Variants in CCDC88B observed in about 807,000 individuals in gnomAD.
CCDC88B encodes the protein coiled-coil domain-containing protein 88B.
In CCDC88B, 138 loss-of-function variants were observed where a neutral mutation model predicts 183.7. That is an observed-to-expected ratio of 0.75 (90% CI 0.65 to 0.87). CCDC88B has a LOEUF of 0.87. Among genes scored for constraint, CCDC88B ranks in the 40% least tolerant of loss-of-function variants. CCDC88B has a pLI of 0.00. For synonymous variants in CCDC88B, 835 were observed against 867.5 expected (o/e 0.96, Z 0.66); for missense variants, 1,822 against 1,965.6 (o/e 0.93, Z 1.38).
Position 64,340,603 on chromosome 11 carries a change from A to T in CCDC88B, c.61-4A>T. The stretch of plus-strand genomic sequence containing the variant: ...GTCGGCTGACCCCTCTGGGCTCCTC[A>T]CAGGCGCTGGGACTGGCCGGGCTGG... On this transcript the variant is annotated splice_region_variant and splice_polypyrimidine_tract_variant and intron_variant, in intron 1 of 26. Coordinates refer to ENST00000356786, the MANE Select transcript of CCDC88B (RefSeq NM_032251.6). The T allele has an allele frequency of 2.5e-6, 4 of 1,606,998 alleles. No individual in the cohort carries two copies. The highest frequency in any genetic ancestry group is 3.4e-6 in the Non-Finnish European group (4 of 1,178,636).
At position 64,343,195 on chromosome 11, in the gene CCDC88B, C is replaced by T. The variant is rs2035956376; in HGVS notation, c.1079C>T (p.Ser360Leu). The stretch of plus-strand genomic sequence containing the variant: ...TCCCACCAGGAGGAGCGGGTGCTCT[C>T]GGGGGTGCTGGAGGCGTCCAAGGCG... ...KSQLEEERVL[S>L]GVLEASKALL... The change falls in exon 11 of 27, where the codon TCG (serine) becomes TTG (leucine). Residue 360 changes from serine (S) to leucine (L), a missense_variant. Ser to Leu is a moderately radical substitution (Grantham distance 145). Coordinates refer to ENST00000356786, the MANE Select transcript of CCDC88B (RefSeq NM_032251.6). 7.2e-6 allele frequency: 11 copies of T among 1,537,700 alleles called. 1 individual carries two copies. The highest frequency in any genetic ancestry group is 9.6e-6 in the Non-Finnish European group (11 of 1,141,452).
At chr11:64,347,257 C>A (rs1276668302) in intron 14 of CCDC88B, among the ~76,000 whole-genome samples, 1 of 152,170 alleles carries the variant, frequency 6.6e-6, no homozygotes, top group East Asian at 1.9e-4. Context: ...AGGGCTTTTG[C>A]CATGGGGGAT....
intron 15 of CCDC88B, 28 bp from the exon 16 acceptor site, chr11:64,349,523 G>C (rs1428045291): frequency 6.3e-7 from 1 of 1,583,098 alleles, no homozygotes; most frequent in Admixed American, 1.8e-5. Flanking sequence ...GGTGGGGTGG[G>C]GCTGGGTGCT....
chr11:64,343,122 AG>A (rs1320677770), intron 10 of CCDC88B, 56 bp from the exon 11 acceptor site: 12 of 1,465,642 alleles, frequency 8.2e-6, no homozygotes, highest in Non-Finnish European at 9.0e-6. Context: ...TGGGACCCTC[AG>A]GCGCTGGAGT....
At position 64,341,670 on chromosome 11, in the gene CCDC88B, G is replaced by A; in HGVS notation, c.603G>A (p.Glu201=). The A allele has an allele frequency of 6.2e-7, 1 of 1,608,308 alleles. No individual in the cohort carries two copies. The highest frequency in any genetic ancestry group is 8.5e-7 in the Non-Finnish European group (1 of 1,177,588). The change falls in exon 7 of 27, where the codon GAG becomes GAA. Residue 201 remains glutamate (E), a synonymous_variant. Transcript: ENST00000356786. The part of the protein sequence containing the change: ...GPDPGELAPA[E]LEMLSRSLMG... ...ATCCTGGGGAGCTGGCACCTGCCGA[G>A]CTGGAGATGCTGTCCCGGAGCCTGA...
Position 64,342,517 on chromosome 11 carries a change from C to A in CCDC88B, c.904-5C>A. ...CTGTTCCCAGCTCCACACCGTCTGG[C>A]CCAGGCCCAGGCGCTGTCGGGACAG... is the stretch of plus-strand genomic sequence containing the variant. On this transcript the variant is annotated splice_polypyrimidine_tract_variant and splice_region_variant and intron_variant, in intron 9 of 26. Transcript: ENST00000356786. 1 of 1,527,452 alleles carries A rather than the reference C, an allele frequency of 6.5e-7. No homozygotes were observed. The allele number at this position is 1,527,452 out of a possible 1,614,324, so 94.6% of individuals were successfully genotyped here.
Position 64,351,317 on chromosome 11 carries a change from C to T in CCDC88B, c.2958+62C>T, listed in dbSNP as rs548984869. On this transcript the variant is annotated intron_variant, in intron 17 of 26. Coordinates refer to ENST00000356786, the MANE Select transcript of CCDC88B (RefSeq NM_032251.6). ...CCCGTGCAGTGTGAGTGTGGGTCCA[C>T]GGTGGACCCTGGGCTGGGGGGTATC... The T allele has an allele frequency of 4.1e-4, 611 of 1,496,490 alleles. 6 individuals carry two copies. In the South Asian group the frequency reaches 4.9e-3, roughly 12 times the overall value. 92.7% of individuals were successfully genotyped at this position (1,496,490 alleles called of 1,614,324 possible). A position where few individuals can be genotyped will look rare whatever the true frequency, so the allele number is the denominator to read the frequency against.
At position 64,344,425 on chromosome 11, in the gene CCDC88B, G is replaced by A. The variant is rs778121076; in HGVS notation, c.1884G>A (p.Glu628=). 2 of 1,590,274 alleles carry A rather than the reference G, an allele frequency of 1.3e-6. No individual in the cohort carries two copies. Among genetic ancestry groups the A allele is most frequent in the East Asian group, 4.5e-5 (2 of 44,602 alleles). ...QLLGGETEGR[E]APQGELVPEA... ...TGGGAGGAGAGACAGAGGGAAGAGAGGCTCCCCAAGGCGAGTTGGTGCCTG... is the reference window on the plus strand; with the variant it reads ...TGGGAGGAGAGACAGAGGGAAGAGAAGCTCCCCAAGGCGAGTTGGTGCCTG... The change falls in exon 14 of 27, where the codon GAG becomes GAA. Residue 628 remains glutamate (E), a synonymous_variant. Transcript: ENST00000356786. This position sits in a 1 kb window ranked among gnomAD's most constrained non-coding sequence, Gnocchi z 4.5.
Position 64,349,335 on chromosome 11 carries a change from T to C in CCDC88B, c.2621T>C (p.Leu874Pro), listed in dbSNP as rs911773526. The C allele has an allele frequency of 6.2e-7, 1 of 1,605,918 alleles. No individual in the cohort carries two copies. Among genetic ancestry groups the C allele is most frequent in the Non-Finnish European group, 8.5e-7 (1 of 1,176,772 alleles). The change falls in exon 15 of 27, where the codon CTG (leucine) becomes CCG (proline). Residue 874 changes from leucine (L) to proline (P), a missense_variant. Coordinates refer to ENST00000356786, the MANE Select transcript of CCDC88B (RefSeq NM_032251.6). ...GCCTGCTCTGCTTGCCCTCAGGAGCTGGAGAAAGCTGTGGTGCGGGGCAAG... is the reference window on the plus strand; with the variant it reads ...GCCTGCTCTGCTTGCCCTCAGGAGCCGGAGAAAGCTGTGGTGCGGGGCAAG... Reference protein sequence around the residue: ...RREKEALQAELEKAVVRGKEL... With the variant: ...RREKEALQAEPEKAVVRGKEL...
Position 64,340,802 on chromosome 11 carries a change from G to C in CCDC88B, c.206+50G>C, listed in dbSNP as rs76402578. 2.1e-3 allele frequency: 3,218 copies of C among 1,561,836 alleles called. 59 individuals are homozygous for C. The African/African-American group carries it at 0.039, about 19-fold the overall frequency. On this transcript the variant is annotated intron_variant, in intron 2 of 26. Transcript: ENST00000356786. Reference sequence around the variant, plus strand: ...TGGCGGGGAAGGATCTGAGAGGAGGGGAAGCGGGTGGGCGGAGCCTGATGC... The same window carrying C: ...TGGCGGGGAAGGATCTGAGAGGAGGCGAAGCGGGTGGGCGGAGCCTGATGC...
At chr11:64,340,401 G>T in intron 1 of CCDC88B, 75 bp downstream of exon 1, 1 of 1,286,444 alleles carries the variant, frequency 7.8e-7, no homozygotes, top group African/African-American at 1.5e-5. Context: ...CGCTGGCCGG[G>T]GGAGGGTGAG....
chr11:64,347,253 T>C (rs1224652373), intron 14 of CCDC88B, among the ~76,000 whole-genome samples: 1 of 152,178 alleles, frequency 6.6e-6, no homozygotes, highest in Non-Finnish European at 1.5e-5. Context: ...GGTTAGGGCT[T>C]TTGCCATGGG....
chr11:64,342,169 G>C (rs2035892586), intron 8 of CCDC88B, 30 bp downstream of exon 8: 9 of 1,602,040 alleles, frequency 5.6e-6, no homozygotes, highest in Non-Finnish European at 7.7e-6. Context: ...GAAGGGGACT[G>C]AGTGGAGAGG....
chr11:64,349,515 T>TTGGGGGGGGGGGGGGGG, intron 15 of CCDC88B, 36 bp from the exon 16 acceptor site: 1 of 224,662 alleles, frequency 4.5e-6, no homozygotes, highest in Non-Finnish European at 7.9e-6. Flanking sequence ...GGGGCGAGGG[T>TTGGGGGGGGGGGGGGGG]GGGGTGGGGC....
chr11:64,351,389 G>T, intron 17 of CCDC88B, 87 bp from the exon 18 acceptor site: 1 of 1,534,130 alleles, frequency 6.5e-7, no homozygotes. Flanking sequence ...GGGTGGGGGT[G>T]CCCCATGCAG....
intron 2 of CCDC88B, 60 bp downstream of exon 2, chr11:64,340,812 G>A (rs1417535404): frequency 1.3e-6 from 2 of 1,554,296 alleles, no homozygotes; most frequent in Non-Finnish European, 1.7e-6. Context: ...GGAAGCGGGT[G>A]GGCGGAGCCT....
At position 64,341,477 on chromosome 11, in the gene CCDC88B, G is replaced by C. The variant is rs776765853; in HGVS notation, c.504G>C (p.Gln168His). ...RHIQGLSLEV[Q>H]SELAAAIQEV... Reference sequence around the variant, plus strand: ...TCCAGGGCCTCAGTCTCGAGGTCCAGAGCGAGCTGGCCGCTGCCATCCAGG... The same window carrying C: ...TCCAGGGCCTCAGTCTCGAGGTCCACAGCGAGCTGGCCGCTGCCATCCAGG... The change falls in exon 6 of 27, where the codon CAG becomes CAC. Residue 168 changes from glutamine (Q) to histidine (H), a missense_variant. By Grantham distance (24) the Gln-to-His change is conservative. Coordinates refer to ENST00000356786, the MANE Select transcript of CCDC88B (RefSeq NM_032251.6). 64 of 1,613,770 alleles carry C rather than the reference G, an allele frequency of 4.0e-5. No homozygotes were observed. The highest frequency in any genetic ancestry group is 5.3e-5 in the Non-Finnish European group (62 of 1,180,026).
rs564733972 is a variant in CCDC88B, at chr11:64,351,514, G to C, written c.2997G>C (p.Gly999=). 1 of 1,582,942 alleles carries C rather than the reference G, an allele frequency of 6.3e-7. No homozygotes were observed. The highest frequency in any genetic ancestry group is 8.5e-7 in the Non-Finnish European group (1 of 1,172,060). ...TGGCAGAGAAGGCAGCTTTGCAGGG[G>C]CAGCTGCAGCACCTGGAGGGGCAGC... ...MLVAEKAALQ[G]QLQHLEGQLG... Residue 999 remains glycine (G), a synonymous_variant, in exon 18 of 27, where the codon GGG becomes GGC. Transcript: ENST00000356786.
intron 1 of CCDC88B, 108 bp downstream of exon 1, chr11:64,340,434 G>A (rs1646570703): frequency 7.6e-7 from 1 of 1,316,076 alleles, no homozygotes; most frequent in Non-Finnish European, 1.0e-6. Flanking sequence ...CGGAGGGGAG[G>A]GCTGGGTTCA....
Sources: gnomAD v4.1 joint callset for allele counts (sites outside exome capture counted in the v4.1 genomes callset) on GRCh38, gnomAD v4.1.1 for gene constraint, Gnocchi (gnomAD v3.1) non-coding constraint, MANE v1.5 for transcripts, NCBI Gene and HGNC (gene_info 2026-07-23, HGNC 2026-07-21) for gene names.